CDO1: variants seen among roughly 807,000 people sequenced by gnomAD.
CDO1 encodes cysteine dioxygenase, type I.
Under a neutral mutation model 24.5 loss-of-function variants are expected in CDO1, and 19 were observed. That is an observed-to-expected ratio of 0.77 (90% CI 0.54 to 1.14). The LOEUF (loss-of-function observed/expected upper bound fraction) is 1.14. Ranked by LOEUF, CDO1 falls within the 50% of genes most tolerant of loss-of-function variation. The pLI is 0.00. For synonymous variants in CDO1, 91 were observed against 87.0 expected (o/e 1.05, Z -0.26); for missense variants, 244 against 244.8 (o/e 1.00, Z 0.02).
intron 3 of CDO1, among the ~76,000 whole-genome samples, chr5:115,808,300 A>T (rs149311542): frequency 3.3e-5 from 5 of 152,150 alleles, no homozygotes; most frequent in Admixed American, 6.5e-5. Context: ...TTTGATAAGA[A>T]CACTAGAAAC....
Position 115,813,250 on chromosome 5 carries a change from C to T in CDO1, c.179G>A (p.Arg60Gln), listed in dbSNP as rs769601972. Reference sequence around the variant, plus strand: ...TCCATTTCCTTGATCCACAAGATTTCGGGTATACCTAAAAAAAAACAATAT... The same window carrying T: ...TCCATTTCCTTGATCCACAAGATTTTGGGTATACCTAAAAAAAAACAATAT... ...YAKFDQYRYT[R>Q]NLVDQGNGKF... Residue 60 changes from arginine (R) to glutamine (Q), a missense_variant, in exon 2 of 5, where the codon CGA becomes CAA. Transcript: ENST00000250535. 4.4e-6 allele frequency: 7 copies of T among 1,574,486 alleles called. No homozygotes were observed. Among genetic ancestry groups the T allele is most frequent in the Admixed American group, 1.7e-5 (1 of 59,668 alleles).
At chr5:115,814,284 A>G (rs1760328560) in intron 1 of CDO1, 1 of 152,186 alleles carries the variant, frequency 6.6e-6, no homozygotes, top group Non-Finnish European at 1.5e-5. Context: ...TGTGTACACA[A>G]CCTTCAATTC....
At position 115,806,503 on chromosome 5, in the gene CDO1, T is replaced by C. The variant is rs1759954402; in HGVS notation, c.419A>G (p.His140Arg). ...CAYINDSIGLHRVENISHTEP... is the reference protein window; with the variant it reads ...CAYINDSIGLRRVENISHTEP... ...CGTATGGCTGATGTTCTCTACTCGA[T>C]GTAAGCCAATGGAATCTAAACAATA... Residue 140 changes from histidine to arginine, a missense_variant, in exon 4 of 5, where the codon CAT becomes CGT. Coordinates refer to ENST00000250535, the MANE Select transcript of CDO1 (RefSeq NM_001801.3). 6.2e-7 allele frequency: 1 copy of C among 1,607,658 alleles called. No individual in the cohort carries two copies. Among genetic ancestry groups the C allele is most frequent in the South Asian group, 1.1e-5 (1 of 89,348 alleles).
chr5:115,813,110 C>T, intron 2 of CDO1, 71 bp downstream of exon 2: 1 of 815,890 alleles, frequency 1.2e-6, no homozygotes, highest in Admixed American at 2.0e-5. Context: ...CTGTGGCTAG[C>T]CTGGTACTAT....
intron 4 of CDO1, 75 bp downstream of exon 4, chr5:115,806,274 T>G: frequency 1.1e-6 from 1 of 952,146 alleles, no homozygotes; most frequent in South Asian, 1.8e-5. Flanking sequence ...TTAAGACTCA[T>G]CTCATTCTTT....
chr5:115,813,525 A>G (rs1184419073), intron 1 of CDO1, among the ~76,000 whole-genome samples: 1 of 152,308 alleles, frequency 6.6e-6, no homozygotes, highest in East Asian at 1.9e-4. Context: ...CCGAAATTGC[A>G]TGTTTCTCAA....
At position 115,805,375 on chromosome 5, in the gene CDO1, T is replaced by C. The variant is rs1759896945; in HGVS notation, c.*58A>G. On this transcript the variant is annotated 3_prime_UTR_variant, in exon 5 of 5. Coordinates refer to ENST00000250535, the MANE Select transcript of CDO1 (RefSeq NM_001801.3). The stretch of plus-strand genomic sequence containing the variant: ...GATAGCACGTGGTAGGTAGCCTTTT[T>C]GTCCAAGGCAAACATACAGCGAACC... 6.6e-7 allele frequency: 1 copy of C among 1,507,340 alleles called. No individual in the cohort carries two copies. The highest frequency in any genetic ancestry group is 9.2e-7 in the Non-Finnish European group (1 of 1,090,340). The allele number at this position is 1,507,340 out of a possible 1,614,324, so 93.4% of individuals were successfully genotyped here.
At position 115,806,535 on chromosome 5, in the gene CDO1, A is replaced by T; in HGVS notation, c.404-17T>A. On this transcript the variant is annotated splice_polypyrimidine_tract_variant and intron_variant, in intron 3 of 4. Coordinates refer to ENST00000250535, the MANE Select transcript of CDO1 (RefSeq NM_001801.3). ...CAATGGAATCTAAACAATATCCGGG[A>T]AGGAAAAATAGATAAAGGAGCCTAG... 3.8e-6 allele frequency: 6 copies of T among 1,593,502 alleles called. No homozygotes were observed. In the South Asian group the frequency reaches 7.0e-5, roughly 18 times the overall value.
chr5:115,816,223 C>T lies in CDO1; in HGVS notation c.170+5G>A, dbSNP rs375338184. ...CGCCTGGCATTGAAGCTGCAGCGCG[C>T]TCACCTGTACTGGTCGAACTTGGCG... On this transcript the variant is annotated splice_donor_5th_base_variant and intron_variant, in intron 1 of 4. Transcript: ENST00000250535. The T allele has an allele frequency of 6.2e-7, 1 of 1,609,720 alleles. No homozygotes were observed. Among genetic ancestry groups the T allele is most frequent in the Non-Finnish European group, 8.5e-7 (1 of 1,177,636 alleles).
chr5:115,809,937 T>C (rs536692956), intron 3 of CDO1, among the ~76,000 whole-genome samples: 1 of 152,324 alleles, frequency 6.6e-6, no homozygotes, highest in Non-Finnish European at 1.5e-5. Flanking sequence ...TCACCACAGC[T>C]TTATCCCTGA....
intron 4 of CDO1, 88 bp downstream of exon 4, chr5:115,806,261 G>T (rs1207147870): frequency 2.5e-6 from 2 of 791,698 alleles, no homozygotes; most frequent in Non-Finnish European, 3.9e-6. Flanking sequence ...CCTTATCCAT[G>T]AATTAAGACT....
At chr5:115,812,392 A>C (rs1760228066) in intron 2 of CDO1, among the ~76,000 whole-genome samples, 1 of 152,222 alleles carries the variant, frequency 6.6e-6, no homozygotes, top group African/African-American at 2.4e-5. Flanking sequence ...TTAAGGAGCT[A>C]AGTTTCAAAG....
intron 3 of CDO1, among the ~76,000 whole-genome samples, chr5:115,807,958 G>A (rs1760018970): frequency 6.6e-6 from 1 of 151,368 alleles, no homozygotes; most frequent in Non-Finnish European, 1.5e-5. Context: ...TCAAAAATCA[G>A]AATGGGACCA....
intron 3 of CDO1, 46 bp downstream of exon 3, chr5:115,811,115 G>C (rs770191149): frequency 6.4e-7 from 1 of 1,558,076 alleles, no homozygotes; most frequent in Non-Finnish European, 8.8e-7. Context: ...CAGACAAAAG[G>C]TCATGGTTCT....
intron 3 of CDO1, 99 bp from the exon 4 acceptor site, chr5:115,806,617 T>A: frequency 1.2e-6 from 1 of 835,654 alleles, no homozygotes; most frequent in Non-Finnish European, 1.9e-6. Context: ...TCAATTGTGA[T>A]GCAAATGGAA....
chr5:115,811,969 C>T (rs1302308883), intron 2 of CDO1, among the ~76,000 whole-genome samples: 1 of 152,148 alleles, frequency 6.6e-6, no homozygotes, highest in Admixed American at 6.5e-5. Flanking sequence ...TTTATTTATG[C>T]AATCTCAGAG....
intron 4 of CDO1, among the ~76,000 whole-genome samples, chr5:115,805,975 T>C (rs1340097720): frequency 6.6e-6 from 1 of 152,212 alleles, no homozygotes; most frequent in Non-Finnish European, 1.5e-5. Context: ...TTTGCTTTAG[T>C]TATATCATCA....
At chr5:115,810,362 A>G (rs1760133757) in intron 3 of CDO1, among the ~76,000 whole-genome samples, 1 of 152,194 alleles carries the variant, frequency 6.6e-6, no homozygotes, top group African/African-American at 2.4e-5. Flanking sequence ...TTTGCCAAAA[A>G]AAAATCCCCC....
At chr5:115,810,267 C>T (rs183293223) in intron 3 of CDO1, among the ~76,000 whole-genome samples, 94 of 152,252 alleles carry the variant, frequency 6.2e-4, no homozygotes, top group Admixed American at 1.8e-3. Context: ...TGAGCGACAA[C>T]TTCCCATACA....
Sources: gnomAD v4.1 joint callset for allele counts (sites outside exome capture counted in the v4.1 genomes callset) on GRCh38, gnomAD v4.1.1 for gene constraint, MANE v1.5 for transcripts, NCBI Gene and HGNC (gene_info 2026-07-23, HGNC 2026-07-21) for gene names.